NRP1: variants seen among roughly 807,000 people sequenced by gnomAD.
NRP1 encodes the protein neuropilin-1.
A neutral mutation model predicts 106.7 loss-of-function variants in NRP1; 35 were observed. That is an observed-to-expected ratio of 0.33 (90% CI 0.25 to 0.43). The LOEUF is 0.43. NRP1 is among the 20% of genes least tolerant of loss of function. The pLI is 1.00. For synonymous variants in NRP1, 437 were observed against 417.9 expected (o/e 1.05, Z -0.56); for missense variants, 1,024 against 1,170.4 (o/e 0.87, Z 1.83).
chr10:33,251,357 C>T (rs927953545), intron 6 of NRP1, among the ~76,000 whole-genome samples: 1 of 152,162 alleles, frequency 6.6e-6, no homozygotes, highest in African/African-American at 2.4e-5. Context: ...TATAAATTAA[C>T]CCAGTCTTGG....
intron 2 of NRP1, among the ~76,000 whole-genome samples, chr10:33,315,364 T>C (rs1018921719): frequency 1.3e-5 from 2 of 152,246 alleles, no homozygotes; most frequent in African/African-American, 2.4e-5. Context: ...TATGATTAAG[T>C]TAAGCCTTTG....
At chr10:33,294,778 A>G (rs368227900) in intron 2 of NRP1, among the ~76,000 whole-genome samples, 25 of 152,288 alleles carry the variant, frequency 1.6e-4, no homozygotes, top group African/African-American at 6.0e-4. Context: ...CTGGGACAGA[A>G]CTTCACCTCT....
chr10:33,257,937 C>T (rs757194266), intron 4 of NRP1, among the ~76,000 whole-genome samples: 6 of 152,022 alleles, frequency 3.9e-5, no homozygotes, highest in Admixed American at 2.0e-4. Flanking sequence ...TGGTTCTGTG[C>T]GTTTCAACTA....
chr10:33,266,722 T>C (rs932674277), intron 3 of NRP1, among the ~76,000 whole-genome samples: 36 of 152,104 alleles, frequency 2.4e-4, no homozygotes, highest in African/African-American at 8.2e-4. Flanking sequence ...TGGGAGGTGA[T>C]TGAATCATGG....
chr10:33,270,822 C>T lies in NRP1; in HGVS notation c.283G>A (p.Glu95Lys), dbSNP rs1401090199. ...AACTTTCCCCTAAAATGTCCATTTT[C>T]ATTTTCTCCATCGAAGACTTCCACG... ...DYVEVFDGEN[E>K]NGHFRGKFCG... is the part of the protein sequence containing the mutation. Residue 95 changes from glutamate to lysine, a missense_variant, in exon 3 of 17, where the codon GAA (glutamate) becomes AAA (lysine). This residue lies in a region of NRP1 where 279 missense variants were observed against 327.4 expected (regional missense o/e 0.85). Transcript: ENST00000374867. 2 of 1,613,122 alleles carry T rather than the reference C, an allele frequency of 1.2e-6. No homozygotes were observed. The highest frequency in any genetic ancestry group is 8.5e-7 in the Non-Finnish European group (1 of 1,179,606).
chr10:33,223,763 T>C (rs1839441967), intron 7 of NRP1, among the ~76,000 whole-genome samples: 1 of 152,152 alleles, frequency 6.6e-6, no homozygotes. Context: ...TCAATCTGTG[T>C]GGGAGCATTT....
intron 8 of NRP1, among the ~76,000 whole-genome samples, chr10:33,215,504 G>A (rs1255741801): frequency 3.9e-5 from 6 of 152,190 alleles, no homozygotes; most frequent in Admixed American, 2.6e-4. Flanking sequence ...TGAATTCAAC[G>A]CTGGCTTAAT....
At chr10:33,183,423 TGA>T (rs1564360459) in intron 15 of NRP1, among the ~76,000 whole-genome samples, 1 of 152,190 alleles carries the variant, frequency 6.6e-6, no homozygotes, top group Non-Finnish European at 1.5e-5. Flanking sequence ...TAGGTTCTAC[TGA>T]AGTAGATTCG....
rs79722106 is a variant in NRP1 at position 33,196,377 on chromosome 10, A to G, written c.1924+1273T>C. On this transcript the variant is annotated intron_variant, in intron 12 of 16. Coordinates refer to ENST00000374867, the MANE Select transcript of NRP1 (RefSeq NM_003873.7). ...ATCCCAGAAAGGACATAGAGAACCA[A>G]CTGGTGGTCACTACCCTTCATCCAC... Among the ~76,000 whole-genome samples, 1,395 of 152,252 alleles carry G rather than the reference A, an allele frequency of 9.2e-3. 28 individuals are homozygous for G. The highest frequency in any genetic ancestry group is 0.029 in the African/African-American group (1,223 of 41,546).
At chr10:33,277,271 G>C (rs1333492479) in intron 2 of NRP1, among the ~76,000 whole-genome samples, 3 of 152,194 alleles carry the variant, frequency 2.0e-5, no homozygotes, top group Non-Finnish European at 4.4e-5. Flanking sequence ...TTGGTGTCTG[G>C]TGAGTCCCAC....
chr10:33,272,837 C>T (rs1374985058), intron 2 of NRP1, among the ~76,000 whole-genome samples: 1 of 152,022 alleles, frequency 6.6e-6, no homozygotes, highest in African/African-American at 2.4e-5. Context: ...GGTCTGAATA[C>T]TAAGTGGCCA....
rs1230311035 is a variant in NRP1 at position 33,254,168 on chromosome 10, T to C, written c.841A>G (p.Met281Val). 1.9e-6 allele frequency: 3 copies of C among 1,612,394 alleles called. No homozygotes were observed. The highest frequency in any genetic ancestry group is 4.5e-5 in the East Asian group (2 of 44,814). Residue 281 changes from methionine to valine, a missense_variant, in exon 6 of 17, where the codon ATG becomes GTG. Around this residue, in one of 5 missense-constraint regions of NRP1, gnomAD observed 562 missense variants for 620.3 expected, o/e 0.91. Transcript: ENST00000374867. ...TCAGAATGAATTTCTCCTGATTCCATGCCCAGAGCTTCCATACATTTGAAA... is the reference window on the plus strand; with the variant it reads ...TCAGAATGAATTTCTCCTGATTCCACGCCCAGAGCTTCCATACATTTGAAA... ...EDFKCMEALG[M>V]ESGEIHSDQI...
intron 6 of NRP1, among the ~76,000 whole-genome samples, chr10:33,243,046 C>A (rs1841139125): frequency 1.3e-5 from 2 of 152,062 alleles, no homozygotes; most frequent in African/African-American, 4.8e-5. Flanking sequence ...ATATTTCCTT[C>A]AAAGACTGGA....
chr10:33,284,236 C>T (rs946308991), intron 2 of NRP1, among the ~76,000 whole-genome samples: 3 of 152,056 alleles, frequency 2.0e-5, no homozygotes, highest in African/African-American at 7.2e-5. Flanking sequence ...TACTAAAAAC[C>T]AGAATATGTA....
chr10:33,256,623 C>T, intron 4 of NRP1, 152 bp from the exon 5 acceptor site: 1 of 819,946 alleles, frequency 1.2e-6, no homozygotes, highest in East Asian at 2.7e-5. Flanking sequence ...TTGCTGTGAA[C>T]ATATTGGATT....
At chr10:33,314,057 T>TCCC in intron 2 of NRP1, among the ~76,000 whole-genome samples, 2 of 134,678 alleles carry the variant, frequency 1.5e-5, no homozygotes, top group African/African-American at 2.9e-5. Context: ...TTTCTTTCTA[T>TCCC]TCCTCCCTCC....
At chr10:33,235,746 A>G (rs1396552352) in intron 6 of NRP1, among the ~76,000 whole-genome samples, 1 of 152,228 alleles carries the variant, frequency 6.6e-6, no homozygotes, top group East Asian at 1.9e-4. Context: ...TGGGGTTTCT[A>G]TACACTCTGA....
chr10:33,203,423 A>T (rs1287865222), intron 10 of NRP1, among the ~76,000 whole-genome samples: 3 of 152,162 alleles, frequency 2.0e-5, no homozygotes, highest in Non-Finnish European at 4.4e-5. Context: ...CTTAGTATTG[A>T]CTATGTTTGC....
chr10:33,234,179 G>A (rs1309374778), intron 6 of NRP1, among the ~76,000 whole-genome samples: 2 of 152,108 alleles, frequency 1.3e-5, no homozygotes, highest in Non-Finnish European at 2.9e-5. Flanking sequence ...TTTATGAAGG[G>A]TTAAATTTAT....
Sources: allele counts gnomAD v4.1 joint callset (sites outside exome capture counted in the v4.1 genomes callset), GRCh38; gene constraint gnomAD v4.1.1; regional missense constraint gnomAD v4.1.1; transcripts MANE v1.5; gene names NCBI Gene and HGNC (gene_info 2026-07-23, HGNC 2026-07-21).